IL4I1: variants seen among roughly 807,000 people sequenced by gnomAD.
IL4I1 encodes interleukin 4 induced 1.
IL4I1 carries 24 observed loss-of-function variants against 29.7 expected under a neutral mutation model. That is an observed-to-expected ratio of 0.81 (90% confidence interval 0.59 to 1.14). The LOEUF (loss-of-function observed/expected upper bound fraction) is 1.14. Among genes scored for constraint, IL4I1 ranks in the 50% most tolerant of loss-of-function variants. The pLI is 0.00. For missense variants in IL4I1, 686 were observed against 785.6 expected (o/e 0.87, Z 1.52); for synonymous variants, 371 against 352.5 (o/e 1.05, Z -0.59).
chr19:49,889,882 G>C lies in IL4I1; in HGVS notation c.1492C>G (p.Leu498Val). ...GWVETAVKSA[L>V]RAAIKINSRK... ...CTGTTGATCTTGATGGCGGCGCGCA[G>C]CGCCGACTTGACCGCCGTCTCCACC... The change falls in exon 8 of 8, where the codon CTG (leucine) becomes GTG (valine). Residue 498 changes from leucine (L) to valine (V), a missense_variant. Leu to Val is a conservative substitution (Grantham distance 32). Coordinates refer to ENST00000391826, the MANE Select transcript of IL4I1 (RefSeq NM_152899.2). 6.2e-7 allele frequency: 1 copy of C among 1,605,512 alleles called. No homozygotes were observed.
chr19:49,893,558 C>T (rs1422060263), intron 5 of IL4I1, among the ~76,000 whole-genome samples: 2 of 152,102 alleles, frequency 1.3e-5, no homozygotes, highest in African/African-American at 2.4e-5. Context: ...AGGCAGATGT[C>T]TCCATCAGCC....
chr19:49,906,985 A>T (rs189025201), intron 2 of IL4I1: 1 of 153,736 alleles, frequency 6.5e-6, no homozygotes, highest in Non-Finnish European at 1.4e-5. Context: ...GACTAGAGTT[A>T]CTCTGGTGCC....
At chr19:49,913,593 G>A (rs912767297) in intron 2 of IL4I1, among the ~76,000 whole-genome samples, 4 of 152,230 alleles carry the variant, frequency 2.6e-5, no homozygotes, top group South Asian at 2.1e-4. Context: ...CACTGTCCGC[G>A]GGACTCTCTC....
intron 2 of IL4I1, chr19:49,909,029 G>C: frequency 1.2e-6 from 2 of 1,613,174 alleles, no homozygotes; most frequent in South Asian, 2.2e-5. Context: ...TGCTCCAGGT[G>C]CCTTTAAGCT....
intron 2 of IL4I1, among the ~76,000 whole-genome samples, chr19:49,911,643 G>A (rs1002945101): frequency 1.3e-5 from 2 of 152,178 alleles, no homozygotes; most frequent in African/African-American, 4.8e-5. Context: ...CAAGCCTGGG[G>A]AGATGACCCC....
intron 2 of IL4I1, among the ~76,000 whole-genome samples, chr19:49,920,036 A>AC (rs1219271388): frequency 6.6e-6 from 1 of 150,558 alleles, no homozygotes; most frequent in Non-Finnish European, 1.5e-5. Flanking sequence ...TGGGCCTCCC[A>AC]CCTCAGCCTC....
intron 2 of IL4I1, among the ~76,000 whole-genome samples, chr19:49,905,616 G>A (rs2075311880): frequency 6.6e-6 from 1 of 152,144 alleles, no homozygotes; most frequent in South Asian, 2.1e-4. Context: ...ATTTATTTGA[G>A]ACGAAGTTTC....
intron 3 of IL4I1, among the ~76,000 whole-genome samples, chr19:49,903,731 A>T (rs1190901194): frequency 6.6e-6 from 1 of 151,866 alleles, no homozygotes; most frequent in Admixed American, 6.6e-5. Context: ...CTCATTACTA[A>T]AAAATAAATT....
At chr19:49,901,803 G>T, upstream of IL4I1, 2 of 980,846 alleles carry the variant, frequency 2.0e-6, no homozygotes, top group Non-Finnish European at 1.5e-6. Context: ...CTGATATTGG[G>T]GTCAGAGCAG....
chr19:49,908,535 G>T (rs1372788543), intron 2 of IL4I1: 1 of 1,614,182 alleles, frequency 6.2e-7, no homozygotes, highest in Admixed American at 1.7e-5. Flanking sequence ...TCATCCGCGT[G>T]CTGCAGGTAG....
intron 7 of IL4I1, 42 bp downstream of exon 7, chr19:49,890,929 G>GGCCCCCCCCC: frequency 2.2e-6 from 1 of 454,446 alleles, no homozygotes; most frequent in Non-Finnish European, 3.5e-6. Context: ...TTCCCTGATT[G>GGCCCCCCCCC]CCCCCCGCCC....
intron 2 of IL4I1, among the ~76,000 whole-genome samples, chr19:49,919,812 G>A (rs166894): frequency 0.017 from 1,769 of 105,926 alleles, 12 homozygotes; most frequent in Middle Eastern, 0.045. Flanking sequence ...AATATAAAAG[G>A]ACTGGAAGAG....
intron 2 of IL4I1, chr19:49,908,656 C>T: frequency 6.2e-7 from 1 of 1,612,678 alleles, no homozygotes; most frequent in Non-Finnish European, 8.5e-7. Flanking sequence ...TCTTCTGGTC[C>T]AGCTTCACCT....
intron 2 of IL4I1, among the ~76,000 whole-genome samples, chr19:49,924,423 G>T (rs188776853): frequency 1.3e-5 from 2 of 152,288 alleles, no homozygotes; most frequent in East Asian, 3.9e-4. Context: ...CGGTTGCCAG[G>T]TGTGCTGGGG....
chr19:49,905,303 C>A (rs1266212634), intron 2 of IL4I1, among the ~76,000 whole-genome samples: 1 of 152,184 alleles, frequency 6.6e-6, no homozygotes, highest in Non-Finnish European at 1.5e-5. Context: ...TTTGGTACCT[C>A]CAGCACCAGA....
At chr19:49,916,700 C>G (rs956211662) in intron 2 of IL4I1, among the ~76,000 whole-genome samples, 1 of 150,898 alleles carries the variant, frequency 6.6e-6, no homozygotes, top group Admixed American at 6.6e-5. Flanking sequence ...GGAGGCGGAG[C>G]TTGCAGTAAG....
chr19:49,899,380 G>A (rs145648290), upstream of IL4I1, among the ~76,000 whole-genome samples: 130 of 152,122 alleles, frequency 8.5e-4, 2 homozygotes, highest in East Asian at 0.025. Context: ...GGGACTTCTG[G>A]GTGGTTGTTG....
intron 5 of IL4I1, among the ~76,000 whole-genome samples, chr19:49,891,702 C>G (rs989925903): frequency 6.6e-6 from 1 of 152,258 alleles, no homozygotes; most frequent in African/African-American, 2.4e-5. Flanking sequence ...CGCCCATCCC[C>G]CCTCATTCGG....
chr19:49,918,895 T>TGGGGGGGGG (rs56129490), intron 2 of IL4I1, among the ~76,000 whole-genome samples: 106 of 72,328 alleles, frequency 1.5e-3, no homozygotes, highest in Middle Eastern at 6.7e-3. Flanking sequence ...TTTGGGAGGC[T>TGGGGGGGGG]GGGGGGGGGG....
Sources: gnomAD v4.1 joint callset for allele counts (sites outside exome capture counted in the v4.1 genomes callset) on GRCh38, gnomAD v4.1.1 for gene constraint, MANE v1.5 for transcripts, NCBI Gene and HGNC (gene_info 2026-07-23, HGNC 2026-07-21) for gene names.